Variants in ST7 observed in about 807,000 individuals in gnomAD.
ST7 encodes suppression of tumorigenicity 7.
In ST7, 28 loss-of-function variants were observed where a neutral mutation model predicts 78.7. The ratio of observed to expected loss-of-function variants is 0.36; its 90% CI spans 0.26 to 0.49. ST7 has a LOEUF of 0.49. ST7 is among the 20% of genes least tolerant of loss of function. The pLI is 0.99. For missense variants in ST7, 418 were observed against 696.0 expected, an observed-to-expected ratio of 0.60 and a Z score of 4.49; for synonymous variants, 247 against 249.6, an observed-to-expected ratio of 0.99 and a Z score of 0.10.
At chr7:117,209,411 T>C (rs537721350) in intron 12 of ST7, among the ~76,000 whole-genome samples, 1 of 152,390 alleles carries the variant, frequency 6.6e-6, no homozygotes, top group Admixed American at 6.5e-5. Context: ...ATGCACTTGG[T>C]TTAGCCACAT....
At chr7:117,139,689 T>C (rs1805105693) in intron 9 of ST7, among the ~76,000 whole-genome samples, 1 of 152,192 alleles carries the variant, frequency 6.6e-6, no homozygotes, top group Non-Finnish European at 1.5e-5. Context: ...AAAGTATTTC[T>C]CTTTGACTGC....
rs145843632 is a variant in ST7, at chr7:117,148,301, C to T, written c.963+9769C>T. Among the ~76,000 whole-genome samples the T allele has an allele frequency of 2.9e-3, 442 of 152,154 alleles. 4 individuals are homozygous for T. Among genetic ancestry groups the T allele is most frequent in the African/African-American group, 0.01 (426 of 41,534 alleles). On this transcript the variant is annotated intron_variant, in intron 9 of 15. Transcript: ENST00000323984. Reference sequence around the variant, plus strand: ...TATTTATCTTCCTTGAATTTTTTAACATATGTTAAGAATACCTACTCTAAC... The same window carrying T: ...TATTTATCTTCCTTGAATTTTTTAATATATGTTAAGAATACCTACTCTAAC...
At chr7:117,142,204 A>G (rs1407163864) in intron 9 of ST7, among the ~76,000 whole-genome samples, 2 of 152,104 alleles carry the variant, frequency 1.3e-5, no homozygotes, top group Non-Finnish European at 2.9e-5. Flanking sequence ...AATGAATGTC[A>G]TAGGGCTGAT....
chr7:117,093,059 G>T (rs1454047990), intron 1 of ST7, among the ~76,000 whole-genome samples: 4 of 152,148 alleles, frequency 2.6e-5, no homozygotes, highest in Non-Finnish European at 5.9e-5. Context: ...TATCTGGTAA[G>T]GCAGTAATCG....
At chr7:117,174,240 G>T (rs770476739) in intron 10 of ST7, among the ~76,000 whole-genome samples, 3 of 152,090 alleles carry the variant, frequency 2.0e-5, no homozygotes, top group Non-Finnish European at 4.4e-5. Context: ...CAACATTATA[G>T]GTGGGCAGTT....
chr7:117,184,463 G>A (rs182910521), intron 10 of ST7, among the ~76,000 whole-genome samples: 3 of 152,272 alleles, frequency 2.0e-5, no homozygotes, highest in South Asian at 2.1e-4. Context: ...ATTGGAAAGC[G>A]GATGATTTGT....
intron 1 of ST7, chr7:116,972,651 A>G: frequency 8.6e-7 from 1 of 1,161,868 alleles, no homozygotes; most frequent in East Asian, 2.4e-5. Context: ...TACCTCTCTC[A>G]CTCTCATCAG....
intron 1 of ST7, among the ~76,000 whole-genome samples, chr7:116,979,777 G>T (rs142221057): frequency 9.2e-5 from 14 of 152,112 alleles, no homozygotes; most frequent in South Asian, 8.3e-4. Flanking sequence ...CCTAGCAAAT[G>T]AAATAGAGAC....
rs992073483 is a variant in ST7 at position 117,119,845 on chromosome 7, A to G, written c.394+125A>G. 3.8e-5 allele frequency: 44 copies of G among 1,162,702 alleles called. No individual in the cohort carries two copies. In the African/African-American group the frequency reaches 6.7e-4, roughly 18 times the overall value. 72.0% of individuals were successfully genotyped at this position (1,162,702 alleles called of 1,614,324 possible). ...TAGGCTTCAGAGAAAAATGCAGATC[A>G]TTTTCCCATGGAGTTGACAACCTGT... On this transcript the variant is annotated intron_variant, in intron 3 of 15. Transcript: ENST00000323984.
At chr7:116,999,808 C>CTTTTTTTTTT (rs71148356) in intron 1 of ST7, among the ~76,000 whole-genome samples, 3 of 104,442 alleles carry the variant, frequency 2.9e-5, no homozygotes, top group Non-Finnish European at 5.4e-5. Context: ...AATTTTCTTT[C>CTTTTTTTTTT]TTTTTTTTTT....
At chr7:117,205,681 C>T (rs1003183058) in intron 12 of ST7, among the ~76,000 whole-genome samples, 7 of 152,306 alleles carry the variant, frequency 4.6e-5, no homozygotes, top group African/African-American at 7.2e-5. Context: ...AGGCGCTGCT[C>T]ACACCTAAAG....
chr7:117,126,281 A>G (rs1358461882), intron 3 of ST7, among the ~76,000 whole-genome samples: 1 of 151,900 alleles, frequency 6.6e-6, no homozygotes, highest in Non-Finnish European at 1.5e-5. Flanking sequence ...ATTTTAGAAA[A>G]AAGTTTTCAG....
intron 10 of ST7, among the ~76,000 whole-genome samples, chr7:117,174,248 G>C (rs1432586087): frequency 6.6e-6 from 1 of 152,208 alleles, no homozygotes; most frequent in African/African-American, 2.4e-5. Flanking sequence ...TAGGTGGGCA[G>C]TTTTATTCCA....
At chr7:117,191,039 T>G in intron 12 of ST7, 103 bp downstream of exon 12, 1 of 911,600 alleles carries the variant, frequency 1.1e-6, no homozygotes, top group Non-Finnish European at 1.7e-6. Context: ...AAAAATGAAT[T>G]GCAACCAACA....
chr7:117,144,649 A>G (rs1013037721), intron 9 of ST7, among the ~76,000 whole-genome samples: 1 of 150,702 alleles, frequency 6.6e-6, no homozygotes, highest in South Asian at 2.1e-4. Flanking sequence ...AAAAAAAAAA[A>G]CCAAAATTCT....
chr7:117,142,418 G>A (rs924696837), intron 9 of ST7, among the ~76,000 whole-genome samples: 3 of 151,928 alleles, frequency 2.0e-5, no homozygotes, highest in African/African-American at 4.8e-5. Context: ...ATGTTTAGCA[G>A]CATCCTAAGC....
In ST7 at chr7:117,124,036, A is replaced by G. The variant is rs1206311611; in HGVS notation, c.394+4316A>G. On this transcript the variant is annotated intron_variant, in intron 3 of 15. Transcript: ENST00000323984. ...AAATAATTTTAATAATTCTATATAAATGTATATATTCTAAATTCTGAATTA... is the reference window on the plus strand; with the variant it reads ...AAATAATTTTAATAATTCTATATAAGTGTATATATTCTAAATTCTGAATTA... 7.2e-5 allele frequency among the ~76,000 whole-genome samples: 11 copies of G among 152,160 alleles called. No homozygotes were observed. In the South Asian group the frequency reaches 1.5e-3, roughly 20 times the overall value.
chr7:116,955,443 G>T (rs1792414107), intron 1 of ST7, among the ~76,000 whole-genome samples: 2 of 152,060 alleles, frequency 1.3e-5, no homozygotes, highest in African/African-American at 4.8e-5. Context: ...ACAAGAGGGG[G>T]CCCACTTTCA....
At chr7:117,153,805 G>A (rs1806471165) in intron 9 of ST7, among the ~76,000 whole-genome samples, 1 of 152,162 alleles carries the variant, frequency 6.6e-6, no homozygotes, top group Non-Finnish European at 1.5e-5. Flanking sequence ...CCGAATGTGA[G>A]GTAAGATGTC....
Sources: gnomAD v4.1 joint callset for allele counts (sites outside exome capture counted in the v4.1 genomes callset) on GRCh38, gnomAD v4.1.1 for gene constraint, MANE v1.5 for transcripts, NCBI Gene and HGNC (gene_info 2026-07-23, HGNC 2026-07-21) for gene names.